Variants in CDC14B observed in about 807,000 individuals in gnomAD.
The protein encoded by CDC14B is dual specificity protein phosphatase CDC14B.
A neutral mutation model predicts 64.2 loss-of-function variants in CDC14B; 22 were observed. That is an observed-to-expected ratio of 0.34 (90% CI 0.24 to 0.49). The LOEUF (loss-of-function observed/expected upper bound fraction) is 0.49. Among genes scored for constraint, CDC14B ranks in the 20% least tolerant of loss-of-function variants. The pLI is 0.99. For synonymous variants in CDC14B, 191 were observed against 215.8 expected (o/e 0.89, Z 1.01); for missense variants, 498 against 629.9 (o/e 0.79, Z 2.24).
Position 96,503,672 on chromosome 9 carries a change from G to GT in CDC14B, c.*80dup. Reference sequence around the variant, plus strand: ...AAGCAACTAAGGCTTTTGCAATTTTGTTTTGTTTTCAAATTGTGCTAATTT... The same window carrying GT: ...AAGCAACTAAGGCTTTTGCAATTTTGTTTTTGTTTTCAAATTGTGCTAATTT... On this transcript the variant is annotated 3_prime_UTR_variant, in exon 14 of 14. Transcript: ENST00000375241. 1 of 1,310,098 alleles carries GT rather than the reference G, an allele frequency of 7.6e-7. No individual in the cohort carries two copies. The highest frequency in any genetic ancestry group is 1.5e-5 in the African/African-American group (1 of 67,642). The allele number at this position is 1,310,098 out of a possible 1,614,324, so 81.2% of individuals were successfully genotyped here.
chr9:96,534,180 T>A lies in CDC14B; in HGVS notation c.716-23A>T, dbSNP rs371385798. ...AACCTACATAAAGAAATGCACCAGA[T>A]CTTATAAAACACATAAAGAAAACAA... On this transcript the variant is annotated intron_variant, in intron 8 of 13. Coordinates refer to ENST00000375241, the MANE Select transcript of CDC14B (RefSeq NM_033331.4). The A allele has an allele frequency of 1.9e-4, 267 of 1,428,188 alleles. No homozygotes were observed. The East Asian group carries it at 4.3e-3, about 23-fold the overall frequency. 88.5% of individuals were successfully genotyped at this position (1,428,188 alleles called of 1,614,324 possible).
chr9:96,549,092 AT>A (rs1160671590), intron 5 of CDC14B, among the ~76,000 whole-genome samples: 1 of 152,218 alleles, frequency 6.6e-6, no homozygotes, highest in Non-Finnish European at 1.5e-5. Flanking sequence ...GAAGCACTAA[AT>A]TTAAAAACTA....
At chr9:96,547,003 C>T (rs1014321668) in intron 5 of CDC14B, among the ~76,000 whole-genome samples, 5 of 150,674 alleles carry the variant, frequency 3.3e-5, no homozygotes, top group East Asian at 2.0e-4. Flanking sequence ...CGGAGCTTGC[C>T]GTGAGCCAAG....
At chr9:96,609,280 G>C (rs903159253) in intron 1 of CDC14B, among the ~76,000 whole-genome samples, 4 of 152,072 alleles carry the variant, frequency 2.6e-5, no homozygotes, top group Non-Finnish European at 5.9e-5. Context: ...TATTCATTTT[G>C]TATAGGAATG....
At position 96,565,999 on chromosome 9, in the gene CDC14B, A is replaced by C. The variant is rs563914221; in HGVS notation, c.161-516T>G. Among the ~76,000 whole-genome samples, 23 of 152,370 alleles carry C rather than the reference A, an allele frequency of 1.5e-4. No homozygotes were observed. The South Asian group carries it at 4.3e-3, about 29-fold the overall frequency. On this transcript the variant is annotated intron_variant, in intron 1 of 13. Coordinates refer to ENST00000375241, the MANE Select transcript of CDC14B (RefSeq NM_033331.4). Reference sequence around the variant, plus strand: ...GTTTCTCCAACTGTTCTTAGGGATCACTACTTTCTAACTTGGAATCACTAC... The same window carrying C: ...GTTTCTCCAACTGTTCTTAGGGATCCCTACTTTCTAACTTGGAATCACTAC...
chr9:96,511,008 T>C (rs1300658541), intron 12 of CDC14B, among the ~76,000 whole-genome samples: 1 of 152,188 alleles, frequency 6.6e-6, no homozygotes, highest in Non-Finnish European at 1.5e-5. Flanking sequence ...GAGAAAATAC[T>C]GACTTAACAA....
At chr9:96,573,895 C>T (rs964492925) in intron 1 of CDC14B, among the ~76,000 whole-genome samples, 10 of 152,100 alleles carry the variant, frequency 6.6e-5, no homozygotes, top group African/African-American at 2.2e-4. Context: ...TGCCTGTAAT[C>T]CCAGCACTTT....
chr9:96,619,034 C>CG (rs936765299), intron 1 of CDC14B, among the ~76,000 whole-genome samples, 185 bp downstream of exon 1: 1 of 129,128 alleles, frequency 7.7e-6, no homozygotes, highest in African/African-American at 2.9e-5. Flanking sequence ...AAACTCGGGG[C>CG]GGGGGGCGCT....
rs150018334 is a variant in CDC14B at position 96,504,459 on chromosome 9, A to ATGC, written c.1461-673_1461-671dup. On this transcript the variant is annotated intron_variant, in intron 13 of 13. Coordinates refer to ENST00000375241, the MANE Select transcript of CDC14B (RefSeq NM_033331.4). ...TCCAATCTGGAGGGCTCCTCGCCCG[A>ATGC]TGCTGCTGCTGCTGCGCTCTTCAAG... Among the ~76,000 whole-genome samples the ATGC allele has an allele frequency of 7.9e-4, 120 of 152,294 alleles. 1 individual carries two copies. Among genetic ancestry groups the ATGC allele is most frequent in the African/African-American group, 2.8e-3 (118 of 41,572 alleles).
chr9:96,552,719 T>C (rs1226811551), intron 4 of CDC14B, among the ~76,000 whole-genome samples: 1 of 152,148 alleles, frequency 6.6e-6, no homozygotes, highest in Non-Finnish European at 1.5e-5. Context: ...TCTAAGTAAG[T>C]CCTCTGCCTA....
Position 96,553,157 on chromosome 9 carries a change from A to C in CDC14B, c.421-1285T>G, listed in dbSNP as rs149530719. 5.2e-3 allele frequency among the ~76,000 whole-genome samples: 788 copies of C among 152,278 alleles called. 6 individuals are homozygous for C. Among genetic ancestry groups the C allele is most frequent in the African/African-American group, 0.018 (764 of 41,560 alleles). On this transcript the variant is annotated intron_variant, in intron 4 of 13. Transcript: ENST00000375241. ...TTTAATAAAAGTTGATATCAATGTGAAACTATCACTGGACTAAGAGAAATT... is the reference window on the plus strand; with the variant it reads ...TTTAATAAAAGTTGATATCAATGTGCAACTATCACTGGACTAAGAGAAATT...
chr9:96,564,899 G>T, intron 2 of CDC14B, 47 bp from the exon 3 acceptor site: 1 of 1,243,170 alleles, frequency 8.0e-7, no homozygotes, highest in South Asian at 1.4e-5. Context: ...TAGATGCTCT[G>T]AATATAAATG....
At chr9:96,527,983 A>G (rs1025626277) in intron 9 of CDC14B, among the ~76,000 whole-genome samples, 21 of 152,020 alleles carry the variant, frequency 1.4e-4, no homozygotes, top group African/African-American at 4.8e-4. Flanking sequence ...CCACCAATCT[A>G]CTTTCTCTTA....
rs138577255 is a variant in CDC14B at position 96,575,028 on chromosome 9, C to G, written c.161-9545G>C. The stretch of plus-strand genomic sequence containing the variant: ...CCTATGATGAATTGAGTTTATTCGT[C>G]AGAATAAGCTGTGACAACAAATAAC... On this transcript the variant is annotated intron_variant, in intron 1 of 13. Coordinates refer to ENST00000375241, the MANE Select transcript of CDC14B (RefSeq NM_033331.4). Among the ~76,000 whole-genome samples, 77 of 152,322 alleles carry G rather than the reference C, an allele frequency of 5.1e-4. No homozygotes were observed. The East Asian group carries it at 9.2e-3, about 18-fold the overall frequency.
rs529010981 is a variant in CDC14B at position 96,501,489 on chromosome 9, C to G, written c.*2264G>C. 1 of 152,372 alleles carries G rather than the reference C, an allele frequency of 6.6e-6. No homozygotes were observed. The highest frequency in any genetic ancestry group is 2.4e-5 in the African/African-American group (1 of 41,568). 9.4% of individuals were successfully genotyped at this position (152,372 alleles called of 1,614,324 possible). A position where few individuals can be genotyped will look rare whatever the true frequency, so the allele number is the denominator to read the frequency against. On this transcript the variant is annotated 3_prime_UTR_variant, in exon 14 of 14. Coordinates refer to ENST00000375241, the MANE Select transcript of CDC14B (RefSeq NM_033331.4). ...CCACTCTCATTCATAGCAGGAAGAA[C>G]TTTCCATCCCTCAGACCCAGAGACT... is the stretch of plus-strand genomic sequence containing the variant.
rs940181183 is a variant in CDC14B at position 96,528,530 on chromosome 9, G to GA, written c.947-4806dup. ...GAGTGAAAGTCCATCTCAAAAAAAA[G>GA]AAAAAAAAAGAAGAAGAAGAAGAAT... On this transcript the variant is annotated intron_variant, in intron 9 of 13. Coordinates refer to ENST00000375241, the MANE Select transcript of CDC14B (RefSeq NM_033331.4). Among the ~76,000 whole-genome samples the GA allele has an allele frequency of 2.2e-4, 32 of 143,416 alleles. No homozygotes were observed. In the South Asian group the frequency reaches 2.8e-3, roughly 12 times the overall value. The allele number at this position is 143,416 out of a possible 152,430, so 94.1% of individuals were successfully genotyped here. A position where few individuals can be genotyped will look rare whatever the true frequency, so the allele number is the denominator to read the frequency against.
intron 1 of CDC14B, chr9:96,566,869 G>A: frequency 6.3e-7 from 1 of 1,574,892 alleles, no homozygotes; most frequent in South Asian, 1.2e-5. Flanking sequence ...CAGCCGCCGA[G>A]AGGGGAGGCG....
At chr9:96,498,278 A>G (rs547245195), downstream of CDC14B, among the ~76,000 whole-genome samples, 4 of 152,298 alleles carry the variant, frequency 2.6e-5, no homozygotes, top group South Asian at 8.3e-4. Context: ...TGTTAAACCA[A>G]ACGCTAGGTG....
intron 7 of CDC14B, among the ~76,000 whole-genome samples, chr9:96,536,289 A>C (rs1462870813): frequency 6.6e-6 from 1 of 152,210 alleles, no homozygotes; most frequent in Non-Finnish European, 1.5e-5. Flanking sequence ...TCTCTACAGT[A>C]GTAACAGGGG....
Sources: gnomAD v4.1 joint callset for allele counts (sites outside exome capture counted in the v4.1 genomes callset) on GRCh38, gnomAD v4.1.1 for gene constraint, MANE v1.5 for transcripts, NCBI Gene and HGNC (gene_info 2026-07-23, HGNC 2026-07-21) for gene names.